POFUT3: variants seen among roughly 807,000 people sequenced by gnomAD.
The protein encoded by POFUT3 is protein O-fucosyltransferase 3, also known as GDP-fucose protein O-fucosyltransferase 3.
the POFUT3 span, chr8:33,452,913 G>A: frequency 3.1e-6 from 1 of 321,552 alleles, no homozygotes; most frequent in East Asian, 5.1e-5. Context: ...TACAATTTGG[G>A]AAATTAAACT....
the POFUT3 span, among the ~76,000 whole-genome samples, chr8:33,410,711 A>T: frequency 1.3e-5 from 2 of 152,164 alleles, no homozygotes; most frequent in Non-Finnish European, 2.9e-5. Flanking sequence ...GATAGAGCCA[A>T]ACATCTTCCC....
At chr8:33,419,627 AC>A in the POFUT3 span, among the ~76,000 whole-genome samples, 1 of 152,190 alleles carries the variant, frequency 6.6e-6, no homozygotes, top group East Asian at 1.9e-4. Flanking sequence ...TGACTCCCTG[AC>A]TTGATCATTA....
At chr8:33,319,019 T>C in the POFUT3 span, among the ~76,000 whole-genome samples, 19 of 52,282 alleles carry the variant, frequency 3.6e-4, no homozygotes, top group African/African-American at 9.8e-4. Context: ...TTATATAATA[T>C]ATAAATATAT....
At chr8:33,394,194 TAAATA>T in the POFUT3 span, 1 of 225,676 alleles carries the variant, frequency 4.4e-6, no homozygotes, top group Non-Finnish European at 8.8e-6. Context: ...CAAAAAAATA[TAAATA>T]AAATAAAATA....
the POFUT3 span, among the ~76,000 whole-genome samples, chr8:33,426,341 T>C: frequency 2.8e-4 from 42 of 152,306 alleles, no homozygotes; most frequent in African/African-American, 9.6e-4. Context: ...CCCAGCTTCA[T>C]TTTGGGCTAA....
the POFUT3 span, among the ~76,000 whole-genome samples, chr8:33,349,106 A>G: frequency 2.6e-5 from 4 of 152,220 alleles, no homozygotes; most frequent in Non-Finnish European, 4.4e-5. Context: ...GAGAAGCCTC[A>G]TGGAAAGGAG....
the POFUT3 span, among the ~76,000 whole-genome samples, chr8:33,435,048 A>G: frequency 6.6e-6 from 1 of 152,178 alleles, no homozygotes; most frequent in African/African-American, 2.4e-5. Flanking sequence ...GGAGACAGGG[A>G]GTAACTGAAA....
chr8:33,445,459 A>T, the POFUT3 span, among the ~76,000 whole-genome samples: 4 of 152,328 alleles, frequency 2.6e-5, no homozygotes, highest in East Asian at 7.7e-4. Flanking sequence ...TACTCCTGAG[A>T]ATGGGTCATA....
chr8:33,392,649 AG>A, the POFUT3 span, among the ~76,000 whole-genome samples: 2 of 151,900 alleles, frequency 1.3e-5, no homozygotes, highest in Admixed American at 6.6e-5. Context: ...CTAAGCCTAG[AG>A]CTTCAGACGG....
At chr8:33,442,035 C>T in the POFUT3 span, among the ~76,000 whole-genome samples, 5 of 151,970 alleles carry the variant, frequency 3.3e-5, no homozygotes, top group African/African-American at 7.3e-5. Flanking sequence ...CTGCAACCTC[C>T]GCCTCCTGGA....
chr8:33,395,895 A>G, the POFUT3 span, among the ~76,000 whole-genome samples: 1 of 152,132 alleles, frequency 6.6e-6, no homozygotes, highest in African/African-American at 2.4e-5. Flanking sequence ...GGCCAAGTAA[A>G]CAAGTAAACA....
At chr8:33,439,318 G>A in the POFUT3 span, among the ~76,000 whole-genome samples, 3 of 152,028 alleles carry the variant, frequency 2.0e-5, no homozygotes, top group African/African-American at 4.8e-5. Context: ...CAGGAGAATC[G>A]CTTGAATCTG....
chr8:33,459,966 C>T, the POFUT3 span, among the ~76,000 whole-genome samples: 3 of 151,940 alleles, frequency 2.0e-5, no homozygotes, highest in Admixed American at 2.0e-4. Context: ...GAGGCCGAGG[C>T]GGGTGGATCA....
At chr8:33,397,845 C>T in the POFUT3 span, among the ~76,000 whole-genome samples, 7 of 152,180 alleles carry the variant, frequency 4.6e-5, no homozygotes, top group African/African-American at 1.7e-4. Context: ...CCACCTTAAC[C>T]TCCTAAAGTG....
the POFUT3 span, among the ~76,000 whole-genome samples, chr8:33,351,438 T>A: frequency 6.6e-6 from 1 of 151,106 alleles, no homozygotes; most frequent in Admixed American, 6.6e-5. Context: ...TGATGGGGAG[T>A]CGGCGGGGGG....
the POFUT3 span, among the ~76,000 whole-genome samples, chr8:33,325,566 A>T: frequency 2.6e-5 from 4 of 152,156 alleles, no homozygotes; most frequent in Non-Finnish European, 4.4e-5. Flanking sequence ...TAAAACTTCA[A>T]CTGGGCTGTG....
At chr8:33,406,051 G>T in the POFUT3 span, among the ~76,000 whole-genome samples, 3 of 152,054 alleles carry the variant, frequency 2.0e-5, no homozygotes, top group African/African-American at 7.2e-5. Context: ...CTAGATATTA[G>T]ATAGAGAAAT....
chr8:33,412,808 A>G, the POFUT3 span, among the ~76,000 whole-genome samples: 1 of 152,132 alleles, frequency 6.6e-6, no homozygotes, highest in Non-Finnish European at 1.5e-5. Context: ...TTGTATTTTT[A>G]GTAGAAACGA....
At chr8:33,436,859 T>A in the POFUT3 span, among the ~76,000 whole-genome samples, 2 of 152,132 alleles carry the variant, frequency 1.3e-5, no homozygotes, top group Admixed American at 6.6e-5. Flanking sequence ...AATGATCTCG[T>A]TATCCAGGTA....
Sources: allele counts gnomAD v4.1 joint callset (sites outside exome capture counted in the v4.1 genomes callset), GRCh38; gene constraint gnomAD v4.1.1; transcripts MANE v1.5; gene names NCBI Gene and HGNC (gene_info 2026-07-23, HGNC 2026-07-21).